The following CCSER1 variants were observed in gnomAD, a reference collection of about 807,000 sequenced individuals.
CCSER1 encodes coiled-coil serine rich protein 1, also known as serine-rich coiled-coil domain-containing protein 1.
Under a neutral mutation model 82.0 loss-of-function variants are expected in CCSER1, and 41 were observed. The ratio of observed to expected loss-of-function variants is 0.50; its 90% confidence interval spans 0.39 to 0.65. The LOEUF (loss-of-function observed/expected upper bound fraction) is 0.65, where lower values mean the gene tolerates loss of function less well. CCSER1 is among the 30% of genes least tolerant of loss of function. CCSER1 has a pLI of 0.00. For missense variants in CCSER1, 1,119 were observed against 1,064.2 expected, an observed-to-expected ratio of 1.05 and a Z score of -0.72; for synonymous variants, 414 against 383.9, an observed-to-expected ratio of 1.08 and a Z score of -0.92.
At chr4:91,511,792 C>T (rs1055579689) in intron 10 of CCSER1, among the ~76,000 whole-genome samples, 7 of 152,114 alleles carry the variant, frequency 4.6e-5, no homozygotes, top group Non-Finnish European at 1.0e-4. Flanking sequence ...TCAGGACTCC[C>T]ACTGATTCTA....
chr4:91,462,586 G>A (rs1029352743), intron 10 of CCSER1, among the ~76,000 whole-genome samples: 1 of 152,042 alleles, frequency 6.6e-6, no homozygotes, highest in Non-Finnish European at 1.5e-5. Flanking sequence ...AAGTGCAAGG[G>A]GTCAAGGAAT....
chr4:90,380,426 G>A (rs1193507963), intron 3 of CCSER1, among the ~76,000 whole-genome samples: 1 of 152,032 alleles, frequency 6.6e-6, no homozygotes, highest in East Asian at 1.9e-4. Context: ...TATGTTCAAA[G>A]CGTTTGATAT....
At chr4:91,020,891 G>A (rs6830699) in intron 9 of CCSER1, among the ~76,000 whole-genome samples, 54,368 of 151,822 alleles carry the variant, frequency 0.36, 10,964 homozygotes, top group East Asian at 0.58. Context: ...ATTTAAAGGC[G>A]ATCTACTTAC....
chr4:91,125,399 T>G (rs1294435020), intron 10 of CCSER1, among the ~76,000 whole-genome samples: 1 of 151,758 alleles, frequency 6.6e-6, no homozygotes, highest in Non-Finnish European at 1.5e-5. Flanking sequence ...ATTCCCACAG[T>G]GAATAGTAAA....
rs1373987657 is a variant in CCSER1 at position 91,603,785 on chromosome 4, G to A, written c.*4728G>A. On this transcript the variant is annotated 3_prime_UTR_variant, in exon 11 of 11. Coordinates refer to ENST00000509176, the MANE Select transcript of CCSER1 (RefSeq NM_001145065.2). ...GTCACTTGTGTCTCAAGTTCTGGAG[G>A]CTAGGAAGTCTAAGATTAGGGTGGG... 2.0e-5 allele frequency: 3 copies of A among 152,034 alleles called. No individual in the cohort carries two copies. The highest frequency in any genetic ancestry group is 7.2e-5 in the African/African-American group (3 of 41,414). The allele number at this position is 152,034 out of a possible 1,614,324, so 9.4% of individuals were successfully genotyped here. A position where few individuals can be genotyped will look rare whatever the true frequency, so the allele number is the denominator to read the frequency against.
intron 10 of CCSER1, among the ~76,000 whole-genome samples, chr4:91,279,765 T>A (rs1742766873): frequency 6.6e-6 from 1 of 152,186 alleles, no homozygotes; most frequent in Non-Finnish European, 1.5e-5. Context: ...ATTGGAATTG[T>A]TGCTTGAGAA....
intron 5 of CCSER1, among the ~76,000 whole-genome samples, chr4:90,495,004 T>A (rs1768753582): frequency 6.6e-6 from 1 of 152,154 alleles, no homozygotes; most frequent in African/African-American, 2.4e-5. Flanking sequence ...CACATTCATT[T>A]CAGATGCTCT....
chr4:91,107,566 G>T (rs1561554571), intron 10 of CCSER1, among the ~76,000 whole-genome samples: 1 of 151,360 alleles, frequency 6.6e-6, no homozygotes, highest in Admixed American at 6.6e-5. Flanking sequence ...TATTCCCTTG[G>T]TTAAGCAATG....
intron 5 of CCSER1, among the ~76,000 whole-genome samples, chr4:90,490,833 G>T (rs1289352810): frequency 1.3e-5 from 2 of 152,100 alleles, no homozygotes; most frequent in African/African-American, 4.8e-5. Flanking sequence ...GATGGTTGCA[G>T]ATGTGTGGTA....
At chr4:90,305,590 G>C (rs2153476661) in intron 1 of CCSER1, among the ~76,000 whole-genome samples, 1 of 152,270 alleles carries the variant, frequency 6.6e-6, no homozygotes, top group South Asian at 2.1e-4. Flanking sequence ...AATTGTAAGA[G>C]CTAAAATGTC....
intron 10 of CCSER1, among the ~76,000 whole-genome samples, chr4:91,457,228 A>G (rs1479796420): frequency 1.3e-5 from 2 of 152,166 alleles, no homozygotes; most frequent in Non-Finnish European, 2.9e-5. Flanking sequence ...AATTATACAC[A>G]TATATTTAAT....
Position 91,599,256 on chromosome 4 carries a change from T to C in CCSER1, c.*199T>C. The C allele has an allele frequency of 1.7e-6, 1 of 585,120 alleles. No individual in the cohort carries two copies. The highest frequency in any genetic ancestry group is 3.1e-5 in the South Asian group (1 of 32,770). 36.2% of individuals were successfully genotyped at this position (585,120 alleles called of 1,614,324 possible). ...AGAGTGAAAGTTTGAGCATGTTAAT[T>C]GAACTAGGTTGCATTGCCTTGAAGA... On this transcript the variant is annotated 3_prime_UTR_variant, in exon 11 of 11. Coordinates refer to ENST00000509176, the MANE Select transcript of CCSER1 (RefSeq NM_001145065.2).
intron 5 of CCSER1, among the ~76,000 whole-genome samples, chr4:90,515,382 A>C (rs1340840920): frequency 6.6e-6 from 1 of 152,154 alleles, no homozygotes; most frequent in Non-Finnish European, 1.5e-5. Flanking sequence ...ATAATGAATC[A>C]TTGATATTTT....
intron 4 of CCSER1, among the ~76,000 whole-genome samples, chr4:90,451,790 A>G (rs1761494425): frequency 6.6e-6 from 1 of 152,196 alleles, no homozygotes; most frequent in Admixed American, 6.5e-5. Flanking sequence ...TGGTCTGCCA[A>G]CTTATTTCTT....
chr4:90,165,491 C>A lies in CCSER1; in HGVS notation c.-42+37660C>A, dbSNP rs567673966. Among the ~76,000 whole-genome samples, 293 of 152,128 alleles carry A rather than the reference C, an allele frequency of 1.9e-3. 1 individual carries two copies. The highest frequency in any genetic ancestry group is 6.2e-3 in the African/African-American group (257 of 41,536). ...TTAAACCATCTTGGAAAGGAGAAGA[C>A]ATTATATCCTCTTTCATTTATTTGT... On this transcript the variant is annotated intron_variant, in intron 1 of 10. Transcript: ENST00000509176.
intron 1 of CCSER1, among the ~76,000 whole-genome samples, chr4:90,271,010 G>T (rs902836367): frequency 6.6e-6 from 1 of 152,074 alleles, no homozygotes; most frequent in Non-Finnish European, 1.5e-5. Context: ...AAAATGGAAA[G>T]ATATTCCATG....
chr4:90,665,461 A>G (rs1731582579), intron 6 of CCSER1, among the ~76,000 whole-genome samples: 1 of 151,952 alleles, frequency 6.6e-6, no homozygotes, highest in Admixed American at 6.6e-5. Context: ...AGCTGGGACT[A>G]CAGGCACCCG....
intron 7 of CCSER1, among the ~76,000 whole-genome samples, chr4:90,726,163 C>T (rs1490736587): frequency 1.3e-5 from 2 of 151,900 alleles, no homozygotes; most frequent in Non-Finnish European, 2.9e-5. Flanking sequence ...CTTTCTTAGT[C>T]AGTTTTGGAA....
chr4:90,979,189 T>A (rs1486179188), intron 9 of CCSER1, among the ~76,000 whole-genome samples: 1 of 151,504 alleles, frequency 6.6e-6, no homozygotes, highest in East Asian at 1.9e-4. Flanking sequence ...TATATGTATG[T>A]ATACAAAACA....
Sources: allele counts gnomAD v4.1 joint callset (sites outside exome capture counted in the v4.1 genomes callset), GRCh38; gene constraint gnomAD v4.1.1; transcripts MANE v1.5; gene names NCBI Gene and HGNC (gene_info 2026-07-23, HGNC 2026-07-21).